The following PPIC variants were observed in gnomAD, a reference collection of about 807,000 sequenced individuals.
PPIC encodes the protein peptidylprolyl isomerase C.
In PPIC, 19 loss-of-function variants were observed where a neutral mutation model predicts 19.5. That is an observed-to-expected ratio of 0.98 (90% CI 0.68 to 1.43). PPIC has a LOEUF of 1.43. Ranked by LOEUF, PPIC falls within the 40% of genes most tolerant of loss-of-function variation. The pLI, the probability that PPIC is intolerant of heterozygous loss-of-function variation, is 0.00. For synonymous variants in PPIC, 107 were observed against 101.2 expected (o/e 1.06, Z -0.34); for missense variants, 268 against 268.6 (o/e 1.00, Z 0.02).
In PPIC at chr5:123,036,211, G is replaced by A. The variant is rs373832555; in HGVS notation, c.117+298C>T. On this transcript the variant is annotated intron_variant, in intron 1 of 4. Transcript: ENST00000306442. This position sits in a 1 kb window ranked among gnomAD's most constrained non-coding sequence, Gnocchi z 4.5. ...CCTGGAGAACGGGCCCGCCGGTTCC[G>A]GAAGCCTCTCCTACCCCCAGGCTGG... The A allele has an allele frequency of 2.3e-6, 1 of 434,036 alleles. No individual in the cohort carries two copies. 26.9% of individuals were successfully genotyped at this position (434,036 alleles called of 1,614,324 possible).
rs928351742 is a variant in PPIC at position 123,036,689 on chromosome 5, G to A, written c.-64C>T. 3.6e-6 allele frequency: 5 copies of A among 1,406,556 alleles called. No homozygotes were observed. In the African/African-American group the frequency reaches 7.2e-5, roughly 20 times the overall value. 87.1% of individuals were successfully genotyped at this position (1,406,556 alleles called of 1,614,324 possible). The stretch of plus-strand genomic sequence containing the variant: ...CCGGCACGGGCGCGACACAGGCTCT[G>A]GGACAGCTGACGGGACTGCCGGCCG... On this transcript the variant is annotated 5_prime_UTR_variant, in exon 1 of 5. Transcript: ENST00000306442. This position sits in a 1 kb window ranked among gnomAD's most constrained non-coding sequence, Gnocchi z 4.5.
intron 4 of PPIC, 99 bp downstream of exon 4, chr5:123,025,685 T>C: frequency 1.6e-6 from 2 of 1,260,362 alleles, no homozygotes; most frequent in Non-Finnish European, 1.1e-6. Context: ...AGCTATATAA[T>C]GGATCTCTAA....
intron 1 of PPIC, among the ~76,000 whole-genome samples, chr5:123,033,467 T>C (rs955517521): frequency 6.6e-6 from 1 of 152,076 alleles, no homozygotes; most frequent in African/African-American, 2.4e-5. Flanking sequence ...TCTCTCCACG[T>C]GATCTGCACC....
chr5:123,025,477 A>G (rs1762837754), intron 4 of PPIC, among the ~76,000 whole-genome samples: 1 of 152,188 alleles, frequency 6.6e-6, no homozygotes, highest in Admixed American at 6.5e-5. Flanking sequence ...AGACTGAATA[A>G]TATTCCATTG....
rs1190604015 is a variant in PPIC at position 123,023,879 on chromosome 5, C to T, written c.635G>A (p.Trp212Ter). 2.5e-6 allele frequency: 4 copies of T among 1,612,434 alleles called. No individual in the cohort carries two copies. The South Asian group carries it at 4.4e-5, about 18-fold the overall frequency. Residue 212 changes from tryptophan to a stop codon, truncating the protein, a stop_gained, in exon 5 of 5, where the codon TGG becomes TAG. Transcript: ENST00000306442. LOFTEE classifies it high-confidence loss of function. Reference sequence around the variant, plus strand: ...CCTTGTTTTCTGCCAGTTGTGTCACCAATCAGCGATCTCAACCACAAAAGG... The same window carrying T: ...CCTTGTTTTCTGCCAGTTGTGTCACTAATCAGCGATCTCAACCACAAAAGG... The part of the protein sequence containing the change: ...KTPFVVEIAD[W>*]
At position 123,025,831 on chromosome 5, in the gene PPIC, A is replaced by C. The variant is rs1304529856; in HGVS notation, c.463T>G (p.Trp155Gly). The change falls in exon 4 of 5, where the codon TGG becomes GGG. Residue 155 changes from tryptophan to glycine, a missense_variant. By Grantham distance (184) the Trp-to-Gly change is radical. Coordinates refer to ENST00000306442, the MANE Select transcript of PPIC (RefSeq NM_000943.5). ...QFFITLTKPT[W>G]LDGKHVVFGK... ...AACACCACATGTTTGCCGTCCAACC[A>C]GGTGGGCTTGGTCAAGGTGATAAAG... 6.2e-7 allele frequency: 1 copy of C among 1,614,064 alleles called. No homozygotes were observed. Among genetic ancestry groups the C allele is most frequent in the Non-Finnish European group, 8.5e-7 (1 of 1,179,984 alleles).
intron 1 of PPIC, among the ~76,000 whole-genome samples, chr5:123,035,583 G>A (rs964003006): frequency 6.6e-6 from 1 of 152,084 alleles, no homozygotes; most frequent in Non-Finnish European, 1.5e-5. Flanking sequence ...GATTAGTATC[G>A]TTTCCATTGA....
In PPIC at chr5:123,023,977, T is replaced by C; in HGVS notation, c.537A>G (p.Gln179=). 6.2e-7 allele frequency: 1 copy of C among 1,613,934 alleles called. No homozygotes were observed. The highest frequency in any genetic ancestry group is 8.5e-7 in the Non-Finnish European group (1 of 1,179,888). Residue 179 remains glutamine, a synonymous_variant, in exon 5 of 5, where the codon CAA becomes CAG. Transcript: ENST00000306442. ...GMTVVHSIEL[Q]ATDGHDRPLT... ...GTGGACGGTCATGCCCATCAGTTGC[T>C]TGGAGCTCTATGGAGTGCACCACTG...
intron 1 of PPIC, 114 bp from the exon 2 acceptor site, chr5:123,029,532 G>T: frequency 7.0e-7 from 1 of 1,421,248 alleles, no homozygotes; most frequent in South Asian, 1.8e-5. Context: ...CTGCCCATCA[G>T]TATTTTGTAA....
At position 123,036,236 on chromosome 5, in the gene PPIC, G is replaced by A. The variant is rs1228743735; in HGVS notation, c.117+273C>T. The A allele has an allele frequency of 2.0e-6, 1 of 497,740 alleles. No individual in the cohort carries two copies. The highest frequency in any genetic ancestry group is 3.6e-6 in the Non-Finnish European group (1 of 276,550). 30.8% of individuals were successfully genotyped at this position (497,740 alleles called of 1,614,324 possible). A position where few individuals can be genotyped will look rare whatever the true frequency, so the allele number is the denominator to read the frequency against. ...GGAAGCCTCTCCTACCCCCAGGCTG[G>A]TCACCTCGGACTACCGACCCGGGAC... On this transcript the variant is annotated intron_variant, in intron 1 of 4. Transcript: ENST00000306442. This position sits in a 1 kb window ranked among gnomAD's most constrained non-coding sequence, Gnocchi z 4.5.
chr5:123,027,485 G>C (rs953249340), intron 3 of PPIC, among the ~76,000 whole-genome samples: 1 of 152,146 alleles, frequency 6.6e-6, no homozygotes, highest in African/African-American at 2.4e-5. Flanking sequence ...TGCCAGCACC[G>C]AGGGCACGGG....
rs1388136350 is a variant in PPIC, at chr5:123,028,773, AC to A, written c.325+1del. 3.1e-6 allele frequency: 5 copies of A among 1,606,608 alleles called. No homozygotes were observed. Among genetic ancestry groups the A allele is most frequent in the Non-Finnish European group, 4.3e-6 (5 of 1,174,928 alleles). On this transcript the variant is annotated splice_donor_variant, in intron 3 of 4. Transcript: ENST00000306442. LOFTEE classifies it high-confidence loss of function. Reference sequence around the variant, plus strand: ...GGGAAAGGAAAAATGCAAAGACGTTACCCCCAGTGCCATCTCCAGTGGTGAT... The same window carrying A: ...GGGAAAGGAAAAATGCAAAGACGTTACCCCAGTGCCATCTCCAGTGGTGAT...
chr5:123,024,165 T>C (rs1379899718), intron 4 of PPIC, among the ~76,000 whole-genome samples, 162 bp from the exon 5 acceptor site: 3 of 151,676 alleles, frequency 2.0e-5, no homozygotes, highest in African/African-American at 7.3e-5. Context: ...GCACGCTAAC[T>C]GTGGAAAACT....
intron 1 of PPIC, among the ~76,000 whole-genome samples, chr5:123,034,301 AACTT>A (rs944136451): frequency 2.6e-5 from 4 of 152,224 alleles, no homozygotes; most frequent in Non-Finnish European, 5.9e-5. Context: ...CTTTTAGAAA[AACTT>A]AATGACAAAT....
chr5:123,035,456 C>T (rs935802143), intron 1 of PPIC, among the ~76,000 whole-genome samples: 21 of 152,180 alleles, frequency 1.4e-4, no homozygotes, highest in Admixed American at 5.9e-4. Context: ...CCGCCCACAA[C>T]GTGGCACGGC....
Position 123,023,319 on chromosome 5 carries a change from AGTGT to A in PPIC, c.*552_*555del, listed in dbSNP as rs1311840638. ...CTAATCTGTTCACTGTTAATGCTAG[AGTGT>A]GTGTATTTTTGTATATTTCTTAAAG... is the stretch of plus-strand genomic sequence containing the variant. On this transcript the variant is annotated 3_prime_UTR_variant, in exon 5 of 5. Transcript: ENST00000306442. The A allele has an allele frequency of 6.6e-6, 1 of 152,350 alleles. No homozygotes were observed. Among genetic ancestry groups the A allele is most frequent in the African/African-American group, 2.4e-5 (1 of 41,564 alleles). The allele number at this position is 152,350 out of a possible 1,614,324, so 9.4% of individuals were successfully genotyped here. A position where few individuals can be genotyped will look rare whatever the true frequency, so the allele number is the denominator to read the frequency against.
chr5:123,029,443 G>T, intron 1 of PPIC, 25 bp from the exon 2 acceptor site: 4 of 1,555,108 alleles, frequency 2.6e-6, no homozygotes, highest in Non-Finnish European at 2.6e-6. Flanking sequence ...AAGGCAAAGT[G>T]GAAGGTTATA....
At chr5:123,029,120 TC>T in intron 2 of PPIC, 184 bp downstream of exon 2, 1 of 1,113,828 alleles carries the variant, frequency 9.0e-7, no homozygotes, top group Non-Finnish European at 1.3e-6. Context: ...GATGATTTTC[TC>T]CCAATTTCCA....
intron 3 of PPIC, among the ~76,000 whole-genome samples, chr5:123,028,296 G>C (rs1762890821): frequency 6.6e-6 from 1 of 152,090 alleles, no homozygotes; most frequent in South Asian, 2.1e-4. Flanking sequence ...TCACTGTTTT[G>C]TCAATATGAT....
Sources: allele counts gnomAD v4.1 joint callset (sites outside exome capture counted in the v4.1 genomes callset), GRCh38; gene constraint gnomAD v4.1.1; non-coding constraint Gnocchi (gnomAD v3.1); transcripts MANE v1.5; gene names NCBI Gene and HGNC (gene_info 2026-07-23, HGNC 2026-07-21).